The following ZFYVE16 variants were observed in gnomAD, a reference collection of about 807,000 sequenced individuals.
The protein encoded by ZFYVE16 is zinc finger FYVE domain-containing protein 16.
Under a neutral mutation model 138.1 loss-of-function variants are expected in ZFYVE16, and 89 were observed. The ratio of observed to expected loss-of-function variants is 0.64; its 90% CI spans 0.54 to 0.77. ZFYVE16 has a LOEUF of 0.77. Among genes scored for constraint, ZFYVE16 ranks in the 30% least tolerant of loss-of-function variants. The pLI is 0.00. For synonymous variants in ZFYVE16, 596 were observed against 618.3 expected (o/e 0.96, Z 0.53); for missense variants, 1,793 against 1,786.7 (o/e 1.00, Z -0.06).
At chr5:80,454,479 A>G (rs920154015) in intron 11 of ZFYVE16, 4 of 148,484 alleles carry the variant, frequency 2.7e-5, no homozygotes, top group Admixed American at 2.0e-4. Flanking sequence ...CTTTTTGTGC[A>G]TTGGTTTCCC....
Position 80,455,768 on chromosome 5 carries a change from A to C in ZFYVE16, c.3684A>C (p.Leu1228Phe). ...FGEIGHTIMN[L>F]LVDLRNYQYT... is the part of the protein sequence containing the mutation. Reference sequence around the variant, plus strand: ...AAATAGGACACACTATTATGAACTTACTTGTTGTGAGTAATTGAACTATTT... The same window carrying C: ...AAATAGGACACACTATTATGAACTTCCTTGTTGTGAGTAATTGAACTATTT... Residue 1228 changes from leucine to phenylalanine, a missense_variant, in exon 12 of 19, where the codon TTA (leucine) becomes TTC (phenylalanine). Around this residue, in one of 2 missense-constraint regions of ZFYVE16, gnomAD observed 498 missense variants for 582.4 expected, o/e 0.86. Coordinates refer to ENST00000505560, the MANE Select transcript of ZFYVE16 (RefSeq NM_001284236.3). The C allele has an allele frequency of 2.5e-6, 4 of 1,573,636 alleles. No individual in the cohort carries two copies. The highest frequency in any genetic ancestry group is 3.4e-6 in the Non-Finnish European group (4 of 1,168,758).
intron 8 of ZFYVE16, 49 bp downstream of exon 8, chr5:80,448,453 A>G (rs1472083624): frequency 7.3e-7 from 1 of 1,378,620 alleles, no homozygotes; most frequent in African/African-American, 1.5e-5. Context: ...ATATATACTG[A>G]TGAATTTTAT....
chr5:80,453,335 A>G (rs1187241249), intron 11 of ZFYVE16, among the ~76,000 whole-genome samples: 1 of 152,226 alleles, frequency 6.6e-6, no homozygotes, highest in Non-Finnish European at 1.5e-5. Flanking sequence ...AATGCAGCCC[A>G]GTATTTTGCC....
chr5:80,434,300 C>A, intron 3 of ZFYVE16, 83 bp downstream of exon 3: 1 of 1,400,900 alleles, frequency 7.1e-7, no homozygotes, highest in Non-Finnish European at 9.9e-7. Flanking sequence ...GTAATATTAG[C>A]AAAATTTTCT....
chr5:80,422,094 G>C (rs1292680599), intron 1 of ZFYVE16, among the ~76,000 whole-genome samples: 2 of 152,242 alleles, frequency 1.3e-5, no homozygotes, highest in Admixed American at 6.5e-5. Flanking sequence ...TTGGCTCTCT[G>C]TTTGTCTGTT....
chr5:80,480,448 A>T lies in ZFYVE16; in HGVS notation c.*3071A>T, dbSNP rs539463463. ...AAACAGCTGGAAAAAAAAACAGAAG[A>T]CCTGTAGAGAATACAGTGAAAAATC... On this transcript the variant is annotated 3_prime_UTR_variant, in exon 19 of 19. Transcript: ENST00000505560. Among the ~76,000 whole-genome samples the T allele has an allele frequency of 2.0e-4, 31 of 151,846 alleles. No homozygotes were observed. In the South Asian group the frequency reaches 6.2e-3, roughly 31 times the overall value.
At chr5:80,412,708 A>G (rs1032292254) in intron 1 of ZFYVE16, among the ~76,000 whole-genome samples, 1 of 152,222 alleles carries the variant, frequency 6.6e-6, no homozygotes. Flanking sequence ...GGCTTTTGCT[A>G]ATAAGAAACT....
chr5:80,437,442 T>C lies in ZFYVE16; in HGVS notation c.757T>C (p.Ser253Pro), dbSNP rs1561272071. 6.2e-7 allele frequency: 1 copy of C among 1,602,274 alleles called. No individual in the cohort carries two copies. Among genetic ancestry groups the C allele is most frequent in the Non-Finnish European group, 8.5e-7 (1 of 1,174,994 alleles). The change falls in exon 4 of 19, where the codon TCC (serine) becomes CCC (proline). Residue 253 changes from serine to proline, a missense_variant. By Grantham distance (74) the Ser-to-Pro change is moderately conservative (BLOSUM62 -1). Transcript: ENST00000505560. ...GTCATCTGCTTTGACTCGACAAAGT[T>C]CCAAAATGTTTCATGCCAAAGACAA... is the stretch of plus-strand genomic sequence containing the variant. ...NMSSALTRQS[S>P]KMFHAKDKLQ...
intron 10 of ZFYVE16, among the ~76,000 whole-genome samples, chr5:80,451,204 A>G (rs1751957522): frequency 6.6e-6 from 1 of 152,210 alleles, no homozygotes; most frequent in Admixed American, 6.5e-5. Context: ...CCATGCCGTA[A>G]GGAGAAAAAT....
At chr5:80,430,617 A>C (rs1233240243) in intron 2 of ZFYVE16, among the ~76,000 whole-genome samples, 1 of 152,072 alleles carries the variant, frequency 6.6e-6, no homozygotes, top group African/African-American at 2.4e-5. Flanking sequence ...ATAGAGACAC[A>C]AAAAACCCTT....
intron 17 of ZFYVE16, 28 bp from the exon 18 acceptor site, chr5:80,474,635 A>T: frequency 6.4e-7 from 1 of 1,574,706 alleles, no homozygotes; most frequent in Non-Finnish European, 8.6e-7. Flanking sequence ...TTTAATCATG[A>T]CTTGTTTCCT....
chr5:80,433,026 T>C (rs1749313392), intron 2 of ZFYVE16, among the ~76,000 whole-genome samples: 1 of 152,194 alleles, frequency 6.6e-6, no homozygotes, highest in Non-Finnish European at 1.5e-5. Context: ...GACGTCAGTG[T>C]GGCGATTCCT....
intron 2 of ZFYVE16, 65 bp downstream of exon 2, chr5:80,427,610 C>CTTTTTTTTTTTTTTTTTTTTTTTTT: frequency 4.0e-5 from 2 of 50,008 alleles, no homozygotes; most frequent in Admixed American, 3.2e-4. Context: ...CTGTCGTATG[C>CTTTTTTTTTTTTTTTTTTTTTTTTT]TTTTTTTTTT....
At position 80,449,692 on chromosome 5, in the gene ZFYVE16, G is replaced by A. The variant is rs751887083; in HGVS notation, c.3205G>A (p.Val1069Met). Reference sequence around the variant, plus strand: ...ATTTGTCCTAAATGCTAATCTACTCGTGAATGTCAAATTCATATTTTGTAA... The same window carrying A: ...ATTTGTCCTAAATGCTAATCTACTCATGAATGTCAAATTCATATTTTGTAA... ...VTFVLNANLL[V>M]NVKFIFYSSD... Residue 1069 changes from valine to methionine, a missense_variant, in exon 9 of 19, where the codon GTG becomes ATG. This residue lies in a region of ZFYVE16 where 498 missense variants were observed against 582.4 expected (regional missense o/e 0.86). Transcript: ENST00000505560. 10 of 1,596,834 alleles carry A rather than the reference G, an allele frequency of 6.3e-6. No individual in the cohort carries two copies. Among genetic ancestry groups the A allele is most frequent in the East Asian group, 2.3e-5 (1 of 44,134 alleles).
At chr5:80,408,746 A>G (rs1235816309) in intron 1 of ZFYVE16, among the ~76,000 whole-genome samples, 1 of 152,210 alleles carries the variant, frequency 6.6e-6, no homozygotes, top group Non-Finnish European at 1.5e-5. Context: ...TCTTATTTGT[A>G]CTATCGTGAT....
intron 18 of ZFYVE16, among the ~76,000 whole-genome samples, chr5:80,476,035 C>T (rs1754875469): frequency 6.6e-6 from 1 of 152,194 alleles, no homozygotes; most frequent in African/African-American, 2.4e-5. Flanking sequence ...CCTCTGCCCC[C>T]TGGGTTCAAG....
intron 18 of ZFYVE16, among the ~76,000 whole-genome samples, 192 bp downstream of exon 18, chr5:80,475,022 A>G (rs1006427402): frequency 3.9e-5 from 6 of 152,236 alleles, no homozygotes; most frequent in African/African-American, 1.2e-4. Flanking sequence ...GCAAAAGGAC[A>G]GACAGTAACT....
intron 1 of ZFYVE16, among the ~76,000 whole-genome samples, chr5:80,418,808 A>G (rs987463824): frequency 6.6e-6 from 1 of 152,202 alleles, no homozygotes; most frequent in Non-Finnish European, 1.5e-5. Flanking sequence ...GGATCATGGT[A>G]CTGGTATTGT....
chr5:80,459,235 ATTATT>A (rs1392455474), intron 14 of ZFYVE16, among the ~76,000 whole-genome samples, 174 bp from the exon 15 acceptor site: 1 of 152,178 alleles, frequency 6.6e-6, no homozygotes, highest in African/African-American at 2.4e-5. Flanking sequence ...GCCGCATTAA[ATTATT>A]TTAATGTAAT....
Sources: gnomAD v4.1 joint callset for allele counts (sites outside exome capture counted in the v4.1 genomes callset) on GRCh38, gnomAD v4.1.1 for gene constraint, gnomAD v4.1.1 regional missense constraint, MANE v1.5 for transcripts, NCBI Gene and HGNC (gene_info 2026-07-23, HGNC 2026-07-21) for gene names.